COL10A1: variants seen among roughly 807,000 people sequenced by gnomAD.
COL10A1 encodes collagen type X alpha 1 chain.
Under a neutral mutation model 18.2 loss-of-function variants are expected in COL10A1, and 10 were observed. The observed-to-expected ratio is 0.55, with a 90% CI of 0.34 to 0.93. COL10A1 has a LOEUF of 0.93. COL10A1 is among the 40% of genes least tolerant of loss of function. The pLI, the probability that COL10A1 is intolerant of heterozygous loss-of-function variation, is 0.02. For missense variants in COL10A1, 897 were observed against 853.5 expected (o/e 1.05, Z -0.64); for synonymous variants, 330 against 316.6 (o/e 1.04, Z -0.45).
At position 116,125,364 on chromosome 6, in the gene COL10A1, G is replaced by A. The variant is rs1779265224; in HGVS notation, c.129C>T (p.Phe43=). ...GPLPNTKTQF[F]IPYTIKSKGI... ...CTTTACTCTTTATGGTGTAGGGAAT[G>A]AAGAACTGTGTCTTGGTGTTGGGTA... The change falls in exon 2 of 3, where the codon TTC becomes TTT. Residue 43 remains phenylalanine, a synonymous_variant. Transcript: ENST00000651968. 2 of 1,613,832 alleles carry A rather than the reference G, an allele frequency of 1.2e-6. No homozygotes were observed. Among genetic ancestry groups the A allele is most frequent in the Middle Eastern group, 1.7e-4 (1 of 6,056 alleles).
intron 1 of COL10A1, among the ~76,000 whole-genome samples, chr6:116,152,752 T>C (rs1332721134): frequency 6.6e-6 from 1 of 152,220 alleles, no homozygotes; most frequent in Non-Finnish European, 1.5e-5. Flanking sequence ...TACTTAGGTT[T>C]CCTTTTACAA....
intron 1 of COL10A1, among the ~76,000 whole-genome samples, chr6:116,132,425 T>C (rs1282424952): frequency 1.3e-5 from 2 of 152,118 alleles, no homozygotes; most frequent in Admixed American, 1.3e-4. Flanking sequence ...TGTGATATAG[T>C]TTTCACATAT....
intron 1 of COL10A1, among the ~76,000 whole-genome samples, chr6:116,156,936 C>T (rs532372642): frequency 2.6e-5 from 4 of 152,096 alleles, no homozygotes; most frequent in African/African-American, 9.7e-5. Flanking sequence ...GTGCATTGAC[C>T]AGCCACTCAC....
chr6:116,177,644 G>T, the COL10A1 span, among the ~76,000 whole-genome samples: 1 of 152,106 alleles, frequency 6.6e-6, no homozygotes, highest in African/African-American at 2.4e-5. Flanking sequence ...TTACTTAAAG[G>T]AATTTATCTA....
At chr6:116,211,429 A>G in the COL10A1 span, among the ~76,000 whole-genome samples, 1 of 152,106 alleles carries the variant, frequency 6.6e-6, no homozygotes, top group Non-Finnish European at 1.5e-5. Flanking sequence ...AGTGTATCAT[A>G]TATAAGAAAA....
At chr6:116,138,315 T>G (rs1297045089) in intron 1 of COL10A1, among the ~76,000 whole-genome samples, 1 of 152,214 alleles carries the variant, frequency 6.6e-6, no homozygotes, top group Non-Finnish European at 1.5e-5. Context: ...ATATATTTCT[T>G]TAGGATTTAT....
At chr6:116,124,527 G>A (rs906687582) in intron 2 of COL10A1, among the ~76,000 whole-genome samples, 1 of 152,166 alleles carries the variant, frequency 6.6e-6, no homozygotes, top group Non-Finnish European at 1.5e-5. Flanking sequence ...CTTATTGAAG[G>A]CTATATTAGT....
At chr6:116,166,634 T>C in the COL10A1 span, among the ~76,000 whole-genome samples, 2 of 152,338 alleles carry the variant, frequency 1.3e-5, no homozygotes, top group East Asian at 1.9e-4. Context: ...CATCCTTTTC[T>C]ACATGCTGAT....
chr6:116,172,930 C>G, the COL10A1 span, among the ~76,000 whole-genome samples: 1 of 152,090 alleles, frequency 6.6e-6, no homozygotes, highest in Non-Finnish European at 1.5e-5. Flanking sequence ...TTTCACATTG[C>G]AGGTGTGGAT....
In COL10A1 at chr6:116,121,348, C is replaced by T; in HGVS notation, c.768G>A (p.Gly256=). ...TTCCAATGCCTTCTGGCCCTCGTTC[C>T]CCAGGAGGGCCTTGGGGACCTGGTG... ...IGPPGPQGPP[G]ERGPEGIGKP... Residue 256 remains glycine (G), a synonymous_variant, in exon 3 of 3, where the codon GGG becomes GGA. Coordinates refer to ENST00000651968, the MANE Select transcript of COL10A1 (RefSeq NM_000493.4). The T allele has an allele frequency of 6.2e-7, 1 of 1,614,026 alleles. No individual in the cohort carries two copies. Among genetic ancestry groups the T allele is most frequent in the Non-Finnish European group, 8.5e-7 (1 of 1,179,964 alleles).
the COL10A1 span, among the ~76,000 whole-genome samples, chr6:116,204,762 C>G: frequency 6.6e-6 from 1 of 151,878 alleles, no homozygotes; most frequent in Non-Finnish European, 1.5e-5. Context: ...TGAAGCGTTT[C>G]TAGAATGTAA....
intron 1 of COL10A1, among the ~76,000 whole-genome samples, chr6:116,154,885 TATC>T (rs1445029312): frequency 6.6e-6 from 1 of 152,206 alleles, no homozygotes; most frequent in African/African-American, 2.4e-5. Context: ...ATTGTTTTAA[TATC>T]ATTTTTCTTC....
chr6:116,207,932 G>A, the COL10A1 span, among the ~76,000 whole-genome samples: 1 of 151,886 alleles, frequency 6.6e-6, no homozygotes, highest in African/African-American at 2.4e-5. Flanking sequence ...GTTTAGCATA[G>A]TGTATACATA....
intron 1 of COL10A1, among the ~76,000 whole-genome samples, chr6:116,141,549 G>A (rs978503493): frequency 2.6e-5 from 4 of 151,834 alleles, no homozygotes; most frequent in Non-Finnish European, 4.4e-5. Context: ...TGTGAATGAT[G>A]GTAGAGAATG....
chr6:116,176,489 G>A, the COL10A1 span, among the ~76,000 whole-genome samples: 1 of 152,128 alleles, frequency 6.6e-6, no homozygotes, highest in African/African-American at 2.4e-5. Context: ...GTTGAATACT[G>A]CCTTTACTTG....
At chr6:116,155,771 AAG>A (rs1319442795) in intron 1 of COL10A1, among the ~76,000 whole-genome samples, 1 of 151,616 alleles carries the variant, frequency 6.6e-6, no homozygotes, top group Non-Finnish European at 1.5e-5. Flanking sequence ...AAAAAAAAAA[AAG>A]AGGGAGGAAG....
chr6:116,185,719 A>AT, the COL10A1 span, among the ~76,000 whole-genome samples: 2 of 151,860 alleles, frequency 1.3e-5, no homozygotes, highest in Non-Finnish European at 2.9e-5. Flanking sequence ...TGCATGGAAT[A>AT]TTTTTTTCTA....
the COL10A1 span, among the ~76,000 whole-genome samples, chr6:116,179,277 A>G: frequency 6.6e-6 from 1 of 152,202 alleles, no homozygotes; most frequent in Non-Finnish European, 1.5e-5. Context: ...TTACATTAAA[A>G]TGAAGAATTC....
chr6:116,155,020 G>T (rs1186090770), intron 1 of COL10A1, among the ~76,000 whole-genome samples: 1 of 152,174 alleles, frequency 6.6e-6, no homozygotes, highest in Non-Finnish European at 1.5e-5. Context: ...AATGAGGCTG[G>T]TATAACAGAA....
Sources: allele counts gnomAD v4.1 joint callset (sites outside exome capture counted in the v4.1 genomes callset), GRCh38; gene constraint gnomAD v4.1.1; transcripts MANE v1.5; gene names NCBI Gene and HGNC (gene_info 2026-07-23, HGNC 2026-07-21).